Variants in SLC6A6 observed in about 807,000 individuals in gnomAD.
The protein encoded by SLC6A6 is sodium- and chloride-dependent taurine transporter.
SLC6A6 carries 16 observed loss-of-function variants against 68.8 expected under a neutral mutation model. That is an observed-to-expected ratio of 0.23 (90% CI 0.16 to 0.35). The LOEUF (loss-of-function observed/expected upper bound fraction) is 0.35, where lower values mean the gene tolerates loss of function less well. Ranked by LOEUF, SLC6A6 falls within the 10% of genes least tolerant of loss-of-function variation. The pLI, the probability that SLC6A6 is intolerant of heterozygous loss-of-function variation, is 1.00. For missense variants in SLC6A6, 474 were observed against 802.8 expected, an observed-to-expected ratio of 0.59 and a Z score of 4.95; for synonymous variants, 312 against 315.4, an observed-to-expected ratio of 0.99 and a Z score of 0.12.
At chr3:14,462,199 G>T (rs1279897433) in intron 6 of SLC6A6, among the ~76,000 whole-genome samples, 1 of 152,222 alleles carries the variant, frequency 6.6e-6, no homozygotes, top group East Asian at 1.9e-4. Flanking sequence ...GGCTCTCAGG[G>T]GCTTGTCCTC....
chr3:14,478,984 G>A, intron 12 of SLC6A6, 101 bp from the exon 13 acceptor site: 1 of 734,106 alleles, frequency 1.4e-6, no homozygotes, highest in Non-Finnish European at 2.5e-6. Context: ...GTGTGGAGAT[G>A]CAGAGGCCTG....
intron 1 of SLC6A6, among the ~76,000 whole-genome samples, chr3:14,409,608 A>G (rs1025554440): frequency 2.0e-5 from 3 of 152,228 alleles, no homozygotes; most frequent in Admixed American, 1.3e-4. Flanking sequence ...GCCAGGGCCA[A>G]GAGGGCAGGG....
Position 14,447,667 on chromosome 3 carries a change from C to A in SLC6A6, c.450C>A (p.Phe150Leu). 1 of 1,614,252 alleles carries A rather than the reference C, an allele frequency of 6.2e-7. No individual in the cohort carries two copies. The highest frequency in any genetic ancestry group is 8.5e-7 in the Non-Finnish European group (1 of 1,180,042). Residue 150 changes from phenylalanine to leucine, a missense_variant, in exon 5 of 15, where the codon TTC (phenylalanine) becomes TTA (leucine). By Grantham distance (22) the Phe-to-Leu change is conservative. Transcript: ENST00000622186. ...TGGCCTGGGCCACATACTACCTGTT[C>A]CAGTCCTTCCAGAAGGAGCTGCCCT... ...VILAWATYYL[F>L]QSFQKELPWA...
chr3:14,438,998 TG>T (rs1280564661), intron 2 of SLC6A6, among the ~76,000 whole-genome samples: 1 of 152,142 alleles, frequency 6.6e-6, no homozygotes, highest in Non-Finnish European at 1.5e-5. Flanking sequence ...TGGTAGATGC[TG>T]GGGGAGGCAG....
chr3:14,431,243 G>A (rs952199910), intron 2 of SLC6A6, among the ~76,000 whole-genome samples: 1 of 152,212 alleles, frequency 6.6e-6, no homozygotes, highest in African/African-American at 2.4e-5. Flanking sequence ...AGTTTGCTCT[G>A]TCGCCCTCGT....
chr3:14,450,135 A>T lies in SLC6A6; in HGVS notation c.599+2319A>T, dbSNP rs1700222342. 6.6e-6 allele frequency among the ~76,000 whole-genome samples: 1 copy of T among 152,008 alleles called. No homozygotes were observed. Among genetic ancestry groups the T allele is most frequent in the Non-Finnish European group, 1.5e-5 (1 of 67,986 alleles). On this transcript the variant is annotated intron_variant, in intron 5 of 14. Transcript: ENST00000622186. This position sits in a 1 kb window ranked among gnomAD's most constrained non-coding sequence, Gnocchi z 4.1. ...TTCTTTGTGTGTTATGAACTTAAAG[A>T]ATCACCCCCTATTGTAAAGGGGTCA... is the stretch of plus-strand genomic sequence containing the variant.
chr3:14,463,261 C>T (rs1365638522), intron 6 of SLC6A6, among the ~76,000 whole-genome samples: 1 of 152,234 alleles, frequency 6.6e-6, no homozygotes. Flanking sequence ...GCAGTCTCCT[C>T]ATCTAGAAAA....
chr3:14,437,265 G>GT (rs916410885), intron 2 of SLC6A6, among the ~76,000 whole-genome samples: 50 of 150,896 alleles, frequency 3.3e-4, no homozygotes, highest in African/African-American at 8.3e-4. Flanking sequence ...AACTTTTTTT[G>GT]TTTTTTTTTG....
chr3:14,416,996 C>T (rs555203194), intron 2 of SLC6A6, among the ~76,000 whole-genome samples: 15 of 152,208 alleles, frequency 9.9e-5, no homozygotes, highest in Non-Finnish European at 1.9e-4. Flanking sequence ...AGGCGCGTGC[C>T]GCCGTGCCCA....
Position 14,481,159 on chromosome 3 carries a change from G to T in SLC6A6, c.1552-512G>T, listed in dbSNP as rs1318158523. Among the ~76,000 whole-genome samples the T allele has an allele frequency of 6.6e-6, 1 of 152,232 alleles. No homozygotes were observed. Among genetic ancestry groups the T allele is most frequent in the East Asian group, 1.9e-4 (1 of 5,200 alleles). ...TCTGGCAGAACACGTGTGCCCAAGA[G>T]ATGGTTACAACCACTCGCTTTCTGG... On this transcript the variant is annotated intron_variant, in intron 13 of 14. Transcript: ENST00000622186. The surrounding 1 kb of genome is among the most constrained non-coding windows in gnomAD (Gnocchi z 4.7).
At position 14,478,533 on chromosome 3, in the gene SLC6A6, C is replaced by A; in HGVS notation, c.1415C>A (p.Ala472Glu). 6.2e-7 allele frequency: 1 copy of A among 1,612,596 alleles called. No homozygotes were observed. The highest frequency in any genetic ancestry group is 8.5e-7 in the Non-Finnish European group (1 of 1,178,644). The stretch of plus-strand genomic sequence containing the variant: ...AGCGGTGTATGCCTTTTGTGGGTTG[C>A]ATTCTTTGAATGTTTTGTTATTGCC... The part of the protein sequence containing the change: ...AASGVCLLWV[A>E]FFECFVIAWI... Residue 472 changes from alanine (A) to glutamate (E), a missense_variant, in exon 12 of 15, where the codon GCA (alanine) becomes GAA (glutamate). By Grantham distance (107) the Ala-to-Glu change is moderately radical. This residue lies in a region of SLC6A6 where 194 missense variants were observed against 269.8 expected (regional missense o/e 0.72). Coordinates refer to ENST00000622186, the MANE Select transcript of SLC6A6 (RefSeq NM_003043.6).
Position 14,452,839 on chromosome 3 carries a change from C to T in SLC6A6, c.599+5023C>T, listed in dbSNP as rs185743860. 9.9e-4 allele frequency among the ~76,000 whole-genome samples: 151 copies of T among 152,360 alleles called. 2 individuals are homozygous for T. The highest frequency in any genetic ancestry group is 1.9e-3 in the Admixed American group (29 of 15,308). On this transcript the variant is annotated intron_variant, in intron 5 of 14. Coordinates refer to ENST00000622186, the MANE Select transcript of SLC6A6 (RefSeq NM_003043.6). ...TGCTTCTCCTTGCTGTCTGGGGTCA[C>T]CTCTGTCCCAAGGTCGCCCTGGAGG...
At chr3:14,465,192 G>C (rs1483316473) in intron 6 of SLC6A6, among the ~76,000 whole-genome samples, 1 of 152,200 alleles carries the variant, frequency 6.6e-6, no homozygotes, top group Non-Finnish European at 1.5e-5. Flanking sequence ...GAAACTCCTT[G>C]TGTTGAATAA....
intron 6 of SLC6A6, among the ~76,000 whole-genome samples, chr3:14,462,990 C>T (rs1700530597): frequency 6.6e-6 from 1 of 152,198 alleles, no homozygotes; most frequent in African/African-American, 2.4e-5. Flanking sequence ...TCACAACTCT[C>T]TGCTGAAGAA....
rs1208405258 is a variant in SLC6A6 at position 14,457,852 on chromosome 3, G to A, written c.600-98G>A. 5 of 1,148,692 alleles carry A rather than the reference G, an allele frequency of 4.4e-6. No homozygotes were observed. The East Asian group carries it at 1.2e-4, about 27-fold the overall frequency. 71.2% of individuals were successfully genotyped at this position (1,148,692 alleles called of 1,614,324 possible). A position where few individuals can be genotyped will look rare whatever the true frequency, so the allele number is the denominator to read the frequency against. On this transcript the variant is annotated intron_variant, in intron 5 of 14. Coordinates refer to ENST00000622186, the MANE Select transcript of SLC6A6 (RefSeq NM_003043.6). ...GACTTATGTAAATGCAGCGCCTCAG[G>A]TGGGATTTGACCCCCAGCCTGTTAA...
At chr3:14,480,445 A>T (rs968992361) in intron 13 of SLC6A6, among the ~76,000 whole-genome samples, 1 of 148,352 alleles carries the variant, frequency 6.7e-6, no homozygotes, top group Non-Finnish European at 1.5e-5. Flanking sequence ...GGTCACCCTC[A>T]TGGAGAGGAA....
At chr3:14,431,708 G>T (rs1699728497) in intron 2 of SLC6A6, among the ~76,000 whole-genome samples, 1 of 152,188 alleles carries the variant, frequency 6.6e-6, no homozygotes, top group African/African-American at 2.4e-5. Flanking sequence ...GACAGTGCTA[G>T]TTCCCCACCC....
intron 4 of SLC6A6, among the ~76,000 whole-genome samples, chr3:14,446,777 G>T (rs532206478): frequency 9.2e-5 from 14 of 152,182 alleles, no homozygotes; most frequent in Admixed American, 7.2e-4. Flanking sequence ...ACATAGCCAC[G>T]TAGAATGCTT....
chr3:14,446,331 G>A (rs190100795), intron 4 of SLC6A6, among the ~76,000 whole-genome samples: 25 of 152,280 alleles, frequency 1.6e-4, no homozygotes, highest in Admixed American at 1.4e-3. Context: ...CAAATACCAC[G>A]TATTCTTGCT....
Sources: gnomAD v4.1 joint callset for allele counts (sites outside exome capture counted in the v4.1 genomes callset) on GRCh38, gnomAD v4.1.1 for gene constraint, gnomAD v4.1.1 regional missense constraint, Gnocchi (gnomAD v3.1) non-coding constraint, MANE v1.5 for transcripts, NCBI Gene and HGNC (gene_info 2026-07-23, HGNC 2026-07-21) for gene names.